The following RIDA variants were observed in gnomAD, a reference collection of about 807,000 sequenced individuals.
The protein encoded by RIDA is reactive intermediate imine deaminase A.
RIDA carries 17 observed loss-of-function variants against 17.8 expected under a neutral mutation model. The observed-to-expected ratio is 0.96, with a 90% CI of 0.65 to 1.43. RIDA has a LOEUF of 1.43. Among genes scored for constraint, RIDA ranks in the 40% most tolerant of loss-of-function variants. The pLI is 0.00. For synonymous variants in RIDA, 48 were observed against 55.7 expected (o/e 0.86, Z 0.62); for missense variants, 158 against 161.7 (o/e 0.98, Z 0.12).
chr8:98,111,326 GGC>G (rs896421748), intron 1 of RIDA, among the ~76,000 whole-genome samples: 1 of 152,152 alleles, frequency 6.6e-6, no homozygotes, highest in Non-Finnish European at 1.5e-5. Context: ...AGTGAAATGT[GGC>G]AGGGCATGGT....
In RIDA at chr8:98,105,985, A is replaced by G; in HGVS notation, c.248T>C (p.Leu83Pro). The G allele has an allele frequency of 6.2e-7, 1 of 1,608,580 alleles. No individual in the cohort carries two copies. The highest frequency in any genetic ancestry group is 1.1e-5 in the South Asian group (1 of 90,962). ...FTNVVKTTVL[L>P]ADINDFNTVN... ...AGTATTGAAGTCATTTATGTCAGCC[A>G]GAAGAACAGTTGTTTTCACCACTAG... Residue 83 changes from leucine (L) to proline (P), a missense_variant, in exon 4 of 6, where the codon CTG becomes CCG. By Grantham distance (98) the Leu-to-Pro change is moderately conservative. Transcript: ENST00000254878.
intron 4 of RIDA, among the ~76,000 whole-genome samples, chr8:98,105,555 T>C (rs943279761): frequency 3.3e-5 from 5 of 152,174 alleles, no homozygotes; most frequent in African/African-American, 9.7e-5. Flanking sequence ...GGCATAGAAA[T>C]ATTAAGTAAC....
chr8:98,105,849 C>T, intron 4 of RIDA, 89 bp downstream of exon 4: 10 of 763,320 alleles, frequency 1.3e-5, no homozygotes, highest in South Asian at 4.7e-5. Context: ...CATCTCCTAC[C>T]ACTCTTAATT....
chr8:98,106,050 G>C, intron 3 of RIDA, 44 bp from the exon 4 acceptor site: 1 of 1,368,474 alleles, frequency 7.3e-7, no homozygotes, highest in Non-Finnish European at 1.0e-6. Context: ...TATTTGGTCT[G>C]ACCCAAAACA....
intron 1 of RIDA, among the ~76,000 whole-genome samples, chr8:98,115,943 A>G: frequency 6.6e-6 from 1 of 152,178 alleles, no homozygotes; most frequent in East Asian, 1.9e-4. Flanking sequence ...TTGGCAAACA[A>G]ACAAACAAAA....
chr8:98,115,788 T>A (rs979393526), intron 1 of RIDA, among the ~76,000 whole-genome samples: 2 of 152,198 alleles, frequency 1.3e-5, no homozygotes, highest in Non-Finnish European at 2.9e-5. Flanking sequence ...TTTAATTGAG[T>A]TTATTTTTTA....
At chr8:98,107,966 C>T (rs1815656715) in intron 2 of RIDA, among the ~76,000 whole-genome samples, 1 of 152,172 alleles carries the variant, frequency 6.6e-6, no homozygotes. Context: ...GACGGGGTTT[C>T]ACCATGTTGG....
rs922216489 is a variant in RIDA at position 98,107,861 on chromosome 8, C to G, written c.171+785G>C. Among the ~76,000 whole-genome samples, 12 of 151,978 alleles carry G rather than the reference C, an allele frequency of 7.9e-5. No homozygotes were observed. The South Asian group carries it at 1.7e-3, about 21-fold the overall frequency. On this transcript the variant is annotated intron_variant, in intron 2 of 5. Coordinates refer to ENST00000254878, the MANE Select transcript of RIDA (RefSeq NM_005836.3). The stretch of plus-strand genomic sequence containing the variant: ...CTCAGCTCACTGCAACCTCCGCCTT[C>G]CGGGTTCAAACGATTCTCATGCCTT...
chr8:98,114,075 C>A (rs1317609435), intron 1 of RIDA, among the ~76,000 whole-genome samples: 2 of 152,036 alleles, frequency 1.3e-5, no homozygotes, highest in South Asian at 4.2e-4. Context: ...GAGCCTGTAG[C>A]CCCAGCTACT....
intron 1 of RIDA, among the ~76,000 whole-genome samples, chr8:98,111,544 T>A (rs1285762775): frequency 6.6e-6 from 1 of 151,478 alleles, no homozygotes; most frequent in African/African-American, 2.4e-5. Flanking sequence ...AGGTGGAGGT[T>A]GTAGTAAGCC....
chr8:98,115,388 C>CAAAAA (rs766262204), intron 1 of RIDA, among the ~76,000 whole-genome samples: 1 of 41,134 alleles, frequency 2.4e-5, no homozygotes, highest in African/African-American at 1.1e-4. Context: ...ACTCTGCCTC[C>CAAAAA]AAAAAAAAAA....
Position 98,117,028 on chromosome 8 carries a change from T to C in RIDA, c.65+4A>G, listed in dbSNP as rs1447135327. 1 of 1,612,908 alleles carries C rather than the reference T, an allele frequency of 6.2e-7. No individual in the cohort carries two copies. The highest frequency in any genetic ancestry group is 1.1e-5 in the South Asian group (1 of 91,040). ...TCCGACACAGCTTCCACCAGCCACG[T>C]TACCTGTAGGGTCCAATGGCCCCTG... On this transcript the variant is annotated splice_donor_region_variant and intron_variant, in intron 1 of 5. Coordinates refer to ENST00000254878, the MANE Select transcript of RIDA (RefSeq NM_005836.3).
chr8:98,104,428 T>A, intron 5 of RIDA, 61 bp downstream of exon 5: 1 of 1,068,416 alleles, frequency 9.4e-7, no homozygotes, highest in Admixed American at 1.8e-5. Context: ...AGTTTACTTA[T>A]AGAAGGAAAA....
Position 98,112,704 on chromosome 8 carries a change from T to C in RIDA, c.66-3953A>G, listed in dbSNP as rs138930067. Reference sequence around the variant, plus strand: ...TGTAATCTTTTCTCGGGTTAAATAATACCATCAGTAACACTGTTTTTTATT... The same window carrying C: ...TGTAATCTTTTCTCGGGTTAAATAACACCATCAGTAACACTGTTTTTTATT... On this transcript the variant is annotated intron_variant, in intron 1 of 5. Transcript: ENST00000254878. 6.1e-3 allele frequency among the ~76,000 whole-genome samples: 931 copies of C among 152,330 alleles called. 12 individuals are homozygous for C. The highest frequency in any genetic ancestry group is 0.021 in the African/African-American group (881 of 41,574).
At position 98,102,695 on chromosome 8, in the gene RIDA, T is replaced by C; in HGVS notation, c.*147A>G. 1 of 573,202 alleles carries C rather than the reference T, an allele frequency of 1.7e-6. No individual in the cohort carries two copies. The highest frequency in any genetic ancestry group is 3.1e-6 in the Non-Finnish European group (1 of 327,782). 35.5% of individuals were successfully genotyped at this position (573,202 alleles called of 1,614,324 possible). A position where few individuals can be genotyped will look rare whatever the true frequency, so the allele number is the denominator to read the frequency against. ...TAATATTCATGTTCAACTCTCCCTA[T>C]TACATGGTATTTCCATAATAGCTTC... is the stretch of plus-strand genomic sequence containing the variant. On this transcript the variant is annotated 3_prime_UTR_variant, in exon 6 of 6. Transcript: ENST00000254878.
Position 98,104,488 on chromosome 8 carries a change from C to T in RIDA, c.351+1G>A. ...ACATTAGTCATTTAAAGTGTACTTA[C>T]TTTGGGTAAAGCAGCAACTTGGTAA... On this transcript the variant is annotated splice_donor_variant, in intron 5 of 5. Transcript: ENST00000254878. LOFTEE classifies it high-confidence loss of function. 6.4e-7 allele frequency: 1 copy of T among 1,558,364 alleles called. No homozygotes were observed. The highest frequency in any genetic ancestry group is 8.9e-7 in the Non-Finnish European group (1 of 1,129,912).
rs759387163 is a variant in RIDA at position 98,117,039 on chromosome 8, G to A, written c.58C>T (p.Pro20Ser). 1 of 1,613,786 alleles carries A rather than the reference G, an allele frequency of 6.2e-7. No homozygotes were observed. Among genetic ancestry groups the A allele is most frequent in the Non-Finnish European group, 8.5e-7 (1 of 1,179,646 alleles). Residue 20 changes from proline (P) to serine (S), a missense_variant, in exon 1 of 6, where the codon CCC becomes TCC. Physicochemically the swap from Pro to Ser is moderately conservative, Grantham distance 74 (BLOSUM62 -1). Transcript: ENST00000254878. Reference protein sequence around the residue: ...STAKAPGAIGPYSQAVLVDRT... With the variant: ...STAKAPGAIGSYSQAVLVDRT... ...TTCCACCAGCCACGTTACCTGTAGG[G>A]TCCAATGGCCCCTGGGGCTTTCGCG...
At chr8:98,109,677 C>A (rs1008064826) in intron 1 of RIDA, among the ~76,000 whole-genome samples, 2 of 152,180 alleles carry the variant, frequency 1.3e-5, no homozygotes, top group Admixed American at 6.5e-5. Context: ...CTCACTGAAG[C>A]CTTGACCTCC....
Position 98,102,689 on chromosome 8 carries a change from T to A in RIDA, c.*153A>T. The A allele has an allele frequency of 3.7e-6, 2 of 537,754 alleles. No individual in the cohort carries two copies. Among genetic ancestry groups the A allele is most frequent in the Non-Finnish European group, 6.5e-6 (2 of 305,934 alleles). The allele number at this position is 537,754 out of a possible 1,614,324, so 33.3% of individuals were successfully genotyped here. A position where few individuals can be genotyped will look rare whatever the true frequency, so the allele number is the denominator to read the frequency against. ...CTTCTCTAATATTCATGTTCAACTC[T>A]CCCTATTACATGGTATTTCCATAAT... On this transcript the variant is annotated 3_prime_UTR_variant, in exon 6 of 6. Coordinates refer to ENST00000254878, the MANE Select transcript of RIDA (RefSeq NM_005836.3).
Sources: allele counts gnomAD v4.1 joint callset (sites outside exome capture counted in the v4.1 genomes callset), GRCh38; gene constraint gnomAD v4.1.1; transcripts MANE v1.5; gene names NCBI Gene and HGNC (gene_info 2026-07-23, HGNC 2026-07-21).